SLC8A1: variants seen among roughly 807,000 people sequenced by gnomAD.
SLC8A1 encodes sodium/calcium exchanger 1.
Under a neutral mutation model 68.3 loss-of-function variants are expected in SLC8A1, and 18 were observed. The ratio of observed to expected loss-of-function variants is 0.26; its 90% confidence interval spans 0.18 to 0.39. SLC8A1 has a LOEUF of 0.39. Among genes scored for constraint, SLC8A1 ranks in the 10% least tolerant of loss-of-function variants. The pLI, the probability that SLC8A1 is intolerant of heterozygous loss-of-function variation, is 1.00. For missense variants in SLC8A1, 985 were observed against 1,156.7 expected (o/e 0.85, Z 2.15); for synonymous variants, 475 against 415.5 (o/e 1.14, Z -1.74).
At chr2:40,318,834 G>A (rs758885050) in intron 2 of SLC8A1, among the ~76,000 whole-genome samples, 1 of 152,032 alleles carries the variant, frequency 6.6e-6, no homozygotes, top group Non-Finnish European at 1.5e-5. Context: ...TGTGTGCAAC[G>A]CTTAGGAAAG....
chr2:40,487,791 A>G (rs1705064791), intron 1 of SLC8A1, among the ~76,000 whole-genome samples: 1 of 152,152 alleles, frequency 6.6e-6, no homozygotes, highest in South Asian at 2.1e-4. Context: ...CTGCTGCTGA[A>G]AAGGCCAAGC....
chr2:40,467,150 A>G (rs1703728079), intron 1 of SLC8A1, among the ~76,000 whole-genome samples: 1 of 152,142 alleles, frequency 6.6e-6, no homozygotes. Flanking sequence ...TGGTTAGAGC[A>G]CAGTGCTTAT....
chr2:40,314,449 T>A (rs1049661533), intron 2 of SLC8A1, among the ~76,000 whole-genome samples: 3 of 152,094 alleles, frequency 2.0e-5, no homozygotes, highest in Non-Finnish European at 2.9e-5. Flanking sequence ...CCTTTTGTTC[T>A]TTTTTTCCAG....
chr2:40,228,553 A>T (rs550027480), intron 2 of SLC8A1, among the ~76,000 whole-genome samples: 102 of 152,324 alleles, frequency 6.7e-4, no homozygotes, highest in African/African-American at 2.4e-3. Context: ...GGGACCTGGC[A>T]TTGGCAGTCA....
intron 2 of SLC8A1, among the ~76,000 whole-genome samples, chr2:40,304,051 C>T (rs1048642023): frequency 3.9e-5 from 6 of 152,166 alleles, no homozygotes; most frequent in Non-Finnish European, 7.3e-5. Context: ...GAAAGGGCTC[C>T]AGGAGCTGTT....
intron 1 of SLC8A1, among the ~76,000 whole-genome samples, chr2:40,472,205 GA>G (rs902600954): frequency 6.6e-5 from 10 of 152,114 alleles, no homozygotes; most frequent in African/African-American, 1.9e-4. Context: ...GTGGAGTAAA[GA>G]AAAAAACTTG....
At chr2:40,461,318 C>A (rs1703327003) in intron 1 of SLC8A1, among the ~76,000 whole-genome samples, 1 of 152,104 alleles carries the variant, frequency 6.6e-6, no homozygotes. Flanking sequence ...AGCAGACAGA[C>A]CCTTCGTTGG....
intron 4 of SLC8A1, among the ~76,000 whole-genome samples, chr2:40,172,779 A>G (rs1349357115): frequency 6.6e-6 from 1 of 151,988 alleles, no homozygotes; most frequent in Non-Finnish European, 1.5e-5. Flanking sequence ...TGTCTCTACT[A>G]AAAATACAAA....
chr2:40,318,637 G>C (rs181426531), intron 2 of SLC8A1, among the ~76,000 whole-genome samples: 1 of 152,108 alleles, frequency 6.6e-6, no homozygotes, highest in Admixed American at 6.6e-5. Flanking sequence ...TATAAATGTA[G>C]ACCGTTGCTG....
At chr2:40,501,421 TA>T (rs1248775154) in intron 1 of SLC8A1, among the ~76,000 whole-genome samples, 1 of 152,164 alleles carries the variant, frequency 6.6e-6, no homozygotes, top group Admixed American at 6.6e-5. Flanking sequence ...TTGCTCACTT[TA>T]AAAGACTGAC....
chr2:40,182,980 C>A (rs1453458807), intron 2 of SLC8A1, among the ~76,000 whole-genome samples: 1 of 152,196 alleles, frequency 6.6e-6, no homozygotes, highest in Non-Finnish European at 1.5e-5. Context: ...GAGGATTTCA[C>A]ATATTTAGAT....
chr2:40,481,160 C>G (rs1260615950), intron 1 of SLC8A1, among the ~76,000 whole-genome samples: 1 of 152,128 alleles, frequency 6.6e-6, no homozygotes, highest in Non-Finnish European at 1.5e-5. Flanking sequence ...TCCATGTGCA[C>G]ACTTGCTCAT....
chr2:40,304,754 C>T (rs1365863398), intron 2 of SLC8A1, among the ~76,000 whole-genome samples: 1 of 152,128 alleles, frequency 6.6e-6, no homozygotes, highest in Non-Finnish European at 1.5e-5. Flanking sequence ...ATTGTTTTAC[C>T]TGGGTTTGCA....
At chr2:40,241,696 T>TCAGAG (rs1402411675) in intron 2 of SLC8A1, among the ~76,000 whole-genome samples, 1 of 151,998 alleles carries the variant, frequency 6.6e-6, no homozygotes, top group African/African-American at 2.4e-5. Context: ...TAATCCCAAT[T>TCAGAG]CAGAGCCTGG....
At chr2:40,167,908 T>C (rs2046815689) in intron 4 of SLC8A1, among the ~76,000 whole-genome samples, 2 of 152,176 alleles carry the variant, frequency 1.3e-5, no homozygotes, top group Non-Finnish European at 2.9e-5. Flanking sequence ...GATAGAACAA[T>C]AAGTTTCATT....
At chr2:40,217,720 C>G (rs922471305) in intron 2 of SLC8A1, among the ~76,000 whole-genome samples, 4 of 152,038 alleles carry the variant, frequency 2.6e-5, no homozygotes, top group Non-Finnish European at 5.9e-5. Flanking sequence ...TAAAATTATC[C>G]CATCTGTCAG....
At chr2:40,303,790 T>C (rs948603170) in intron 2 of SLC8A1, among the ~76,000 whole-genome samples, 1 of 152,190 alleles carries the variant, frequency 6.6e-6, no homozygotes, top group Non-Finnish European at 1.5e-5. Flanking sequence ...CAGACCTCAC[T>C]TTCTTCAGGT....
intron 2 of SLC8A1, among the ~76,000 whole-genome samples, chr2:40,268,005 C>G (rs1413777355): frequency 2.6e-5 from 4 of 152,172 alleles, no homozygotes; most frequent in African/African-American, 9.6e-5. Context: ...AAGGAAAACA[C>G]AATTGTTGAA....
upstream of SLC8A1, chr2:40,452,093 C>G (rs1041844316): frequency 6.7e-6 from 1 of 149,498 alleles, no homozygotes; most frequent in African/African-American, 2.4e-5. Flanking sequence ...GCCGCGGCAG[C>G]GGGCAGCGGT....
Sources: allele counts gnomAD v4.1 joint callset (sites outside exome capture counted in the v4.1 genomes callset), GRCh38; gene constraint gnomAD v4.1.1; transcripts MANE v1.5; gene names NCBI Gene and HGNC (gene_info 2026-07-23, HGNC 2026-07-21).